Variants in GALNT13 observed in about 807,000 individuals in gnomAD.
The protein encoded by GALNT13 is UDP-GalNAc:polypeptide N-acetylgalactosaminyltransferase 13.
In GALNT13, 28 loss-of-function variants were observed where a neutral mutation model predicts 64.2. The ratio of observed to expected loss-of-function variants is 0.44; its 90% confidence interval spans 0.32 to 0.60. GALNT13 has a LOEUF of 0.60. Among genes scored for constraint, GALNT13 ranks in the 20% least tolerant of loss-of-function variants. The pLI, the probability that GALNT13 is intolerant of heterozygous loss-of-function variation, is 0.05. For synonymous variants in GALNT13, 214 were observed against 224.6 expected (o/e 0.95, Z 0.42); for missense variants, 577 against 669.8 (o/e 0.86, Z 1.53).
intron 2 of GALNT13, among the ~76,000 whole-genome samples, chr2:153,910,910 T>C (rs1156312378): frequency 6.6e-6 from 1 of 152,198 alleles, no homozygotes; most frequent in African/African-American, 2.4e-5. Context: ...TGTTTTTGGA[T>C]GGAGAGTCCT....
chr2:154,098,010 A>G (rs1305964610), intron 3 of GALNT13, among the ~76,000 whole-genome samples: 1 of 151,884 alleles, frequency 6.6e-6, no homozygotes, highest in African/African-American at 2.4e-5. Context: ...AGACGTGACC[A>G]AACTCTGGAG....
intron 3 of GALNT13, among the ~76,000 whole-genome samples, chr2:154,076,536 GGA>G (rs1398062227): frequency 6.6e-6 from 1 of 151,686 alleles, no homozygotes; most frequent in Non-Finnish European, 1.5e-5. Context: ...CTGGTTTCAA[GGA>G]GTGTGCTCTG....
chr2:154,096,763 C>T (rs116541649), intron 3 of GALNT13, among the ~76,000 whole-genome samples: 138 of 152,094 alleles, frequency 9.1e-4, no homozygotes, highest in African/African-American at 3.2e-3. Flanking sequence ...CAATAAATAG[C>T]ATGCTTCTTC....
the GALNT13 span, among the ~76,000 whole-genome samples, chr2:153,588,345 G>A: frequency 1.3e-5 from 2 of 152,222 alleles, no homozygotes; most frequent in African/African-American, 4.8e-5. Flanking sequence ...GGTTCTCCAT[G>A]AGGGCACCGC....
intron 11 of GALNT13, among the ~76,000 whole-genome samples, chr2:154,422,402 A>G (rs543329364): frequency 2.0e-4 from 30 of 152,258 alleles, no homozygotes; most frequent in African/African-American, 6.0e-4. Flanking sequence ...CTATCAAAGG[A>G]TTTGATCCAA....
At chr2:153,620,231 C>A in the GALNT13 span, among the ~76,000 whole-genome samples, 1 of 152,028 alleles carries the variant, frequency 6.6e-6, no homozygotes, top group Non-Finnish European at 1.5e-5. Context: ...TCAAGTGATT[C>A]TTGTGCTTCA....
chr2:153,971,336 A>T (rs1479134086), intron 3 of GALNT13, among the ~76,000 whole-genome samples: 2 of 152,020 alleles, frequency 1.3e-5, no homozygotes, highest in African/African-American at 2.4e-5. Flanking sequence ...ATGACATATT[A>T]TGTTTTACTT....
chr2:153,753,685 G>A, the GALNT13 span, among the ~76,000 whole-genome samples: 4 of 152,170 alleles, frequency 2.6e-5, no homozygotes, highest in Non-Finnish European at 5.9e-5. Flanking sequence ...ACTGGGTCTT[G>A]TCTAAGGTTT....
chr2:153,650,218 A>G, the GALNT13 span, among the ~76,000 whole-genome samples: 1 of 152,088 alleles, frequency 6.6e-6, no homozygotes, highest in Non-Finnish European at 1.5e-5. Context: ...CCATTATGTA[A>G]TGGCCTTCTT....
intron 12 of GALNT13, among the ~76,000 whole-genome samples, chr2:154,439,168 T>C (rs931772976): frequency 6.6e-6 from 1 of 152,206 alleles, no homozygotes; most frequent in Admixed American, 6.5e-5. Context: ...CAAGATTTCT[T>C]TACTGTTTAC....
chr2:153,623,526 A>G, the GALNT13 span, among the ~76,000 whole-genome samples: 1 of 152,084 alleles, frequency 6.6e-6, no homozygotes, highest in African/African-American at 2.4e-5. Context: ...CCTTTATTCT[A>G]ATAACAGCTA....
chr2:153,831,307 C>G, the GALNT13 span, among the ~76,000 whole-genome samples: 1 of 152,116 alleles, frequency 6.6e-6, no homozygotes, highest in Non-Finnish European at 1.5e-5. Context: ...GGAGGTAGGG[C>G]TCTGAAAACT....
intron 3 of GALNT13, among the ~76,000 whole-genome samples, chr2:154,088,809 G>A (rs190161108): frequency 6.6e-6 from 1 of 152,228 alleles, no homozygotes; most frequent in Non-Finnish European, 1.5e-5. Flanking sequence ...TTTGCATAAA[G>A]TATCAGGGCT....
chr2:153,176,841 A>G, the GALNT13 span, among the ~76,000 whole-genome samples: 202 of 151,862 alleles, frequency 1.3e-3, 1 homozygote, highest in Admixed American at 3.5e-3. Context: ...TTCAACAGTA[A>G]CTATGGAAGC....
Position 154,409,018 on chromosome 2 carries a change from A to G in GALNT13, c.1331A>G (p.Asn444Ser). The G allele has an allele frequency of 6.2e-7, 1 of 1,611,434 alleles. No homozygotes were observed. Among genetic ancestry groups the G allele is most frequent in the Non-Finnish European group, 8.5e-7 (1 of 1,178,090 alleles). Residue 444 changes from asparagine to serine, a missense_variant, in exon 11 of 13, where the codon AAC (asparagine) becomes AGC (serine). Around this residue, in one of 3 missense-constraint regions of GALNT13, gnomAD observed 232 missense variants for 270.6 expected, o/e 0.86. Transcript: ENST00000392825. The part of the protein sequence containing the change: ...RNVETNQCLD[N>S]MGRKENEKVG... ...GTTGAAACCAATCAGTGTTTAGACA[A>G]CATGGGCCGCAAGGAAAATGAAAAA...
intron 1 of GALNT13, among the ~76,000 whole-genome samples, chr2:153,883,512 C>T (rs1387699657): frequency 6.6e-6 from 1 of 151,924 alleles, no homozygotes; most frequent in African/African-American, 2.4e-5. Flanking sequence ...TAAATATAAC[C>T]TTTCTTGAAA....
At position 154,001,753 on chromosome 2, in the gene GALNT13, G is replaced by T. The variant is rs116272857; in HGVS notation, c.142+57114G>T. ...TCTTAATTTGTATGCTTTTACCACA[G>T]AGTTTTATACTTTCAGATGTTGTTT... On this transcript the variant is annotated intron_variant, in intron 3 of 12. Transcript: ENST00000392825. Among the ~76,000 whole-genome samples the T allele has an allele frequency of 5.3e-3, 807 of 152,114 alleles. 5 individuals are homozygous for T. The highest frequency in any genetic ancestry group is 0.018 in the African/African-American group (761 of 41,544).
chr2:154,265,411 A>G lies in GALNT13; in HGVS notation c.975+6273A>G, dbSNP rs1274553788. ...AAATGTTTTGGGTAGAAATCAGAAGAGTTCGGGCCAGGCTCAGTGGCTCAT... is the reference window on the plus strand; with the variant it reads ...AAATGTTTTGGGTAGAAATCAGAAGGGTTCGGGCCAGGCTCAGTGGCTCAT... On this transcript the variant is annotated intron_variant, in intron 8 of 12. Transcript: ENST00000392825. Among the ~76,000 whole-genome samples, 3 of 152,150 alleles carry G rather than the reference A, an allele frequency of 2.0e-5. No homozygotes were observed. In the South Asian group the frequency reaches 6.2e-4, roughly 32 times the overall value.
At chr2:153,608,286 A>C in the GALNT13 span, among the ~76,000 whole-genome samples, 1 of 152,172 alleles carries the variant, frequency 6.6e-6, no homozygotes, top group Non-Finnish European at 1.5e-5. Context: ...CGAGGGCTTA[A>C]TATAAATCGT....
Sources: allele counts gnomAD v4.1 joint callset (sites outside exome capture counted in the v4.1 genomes callset), GRCh38; gene constraint gnomAD v4.1.1; regional missense constraint gnomAD v4.1.1; transcripts MANE v1.5; gene names NCBI Gene and HGNC (gene_info 2026-07-23, HGNC 2026-07-21).